The following GSE1 variants were observed in gnomAD, a reference collection of about 807,000 sequenced individuals.
GSE1 encodes Gse1 coiled-coil protein.
Under a neutral mutation model 112.6 loss-of-function variants are expected in GSE1, and 32 were observed. That is an observed-to-expected ratio of 0.28 (90% CI 0.21 to 0.38). The LOEUF (loss-of-function observed/expected upper bound fraction) is 0.38. Among genes scored for constraint, GSE1 ranks in the 10% least tolerant of loss-of-function variants. The probability of loss-of-function intolerance (pLI) is 1.00; values close to 1 mark genes in which losing one functional copy is unlikely to be tolerated. For missense variants in GSE1, 2,348 were observed against 1,699.2 expected (o/e 1.38, Z -6.71); for synonymous variants, 1,115 against 735.6 (o/e 1.52, Z -8.35).
chr16:85,257,226 A>G (rs946613978), intron 1 of GSE1, among the ~76,000 whole-genome samples: 1 of 152,144 alleles, frequency 6.6e-6, no homozygotes, highest in African/African-American at 2.4e-5. Context: ...CGCCTGCTTC[A>G]TCCTCCCGAA....
intron 1 of GSE1, among the ~76,000 whole-genome samples, chr16:85,605,458 A>G (rs1412709749): frequency 1.3e-5 from 2 of 152,110 alleles, no homozygotes; most frequent in Admixed American, 6.5e-5. Context: ...TCCGCACAGC[A>G]AATGTAAGGG....
chr16:85,281,861 T>A (rs1351087676), intron 1 of GSE1, among the ~76,000 whole-genome samples: 2 of 152,096 alleles, frequency 1.3e-5, no homozygotes, highest in Non-Finnish European at 2.9e-5. Flanking sequence ...TAGATTCACG[T>A]TATCTGAGCA....
chr16:85,588,920 C>T (rs188495114), intron 1 of GSE1, among the ~76,000 whole-genome samples: 42 of 152,282 alleles, frequency 2.8e-4, no homozygotes, highest in Admixed American at 5.9e-4. Flanking sequence ...AGAGTCCCCC[C>T]AGGGACTTTC....
At chr16:85,485,270 A>C (rs1237940215) in intron 2 of GSE1, among the ~76,000 whole-genome samples, 1 of 152,176 alleles carries the variant, frequency 6.6e-6, no homozygotes, top group East Asian at 1.9e-4. Flanking sequence ...CAGGCCCTGC[A>C]TTTTCCCAGA....
At chr16:85,479,955 G>A (rs2050620080) in intron 2 of GSE1, among the ~76,000 whole-genome samples, 2 of 152,178 alleles carry the variant, frequency 1.3e-5, no homozygotes, top group African/African-American at 4.8e-5. Context: ...ATTCAGATCT[G>A]AGGACCCAAA....
chr16:85,371,984 G>T (rs560975966), intron 2 of GSE1, among the ~76,000 whole-genome samples: 1 of 152,324 alleles, frequency 6.6e-6, no homozygotes, highest in African/African-American at 2.4e-5. Flanking sequence ...GTGCAGAGGG[G>T]CTCCGCCTCT....
chr16:85,179,087 CCAT>C (rs1567591222), intron 1 of GSE1, among the ~76,000 whole-genome samples: 1 of 152,130 alleles, frequency 6.6e-6, no homozygotes, highest in East Asian at 1.9e-4. Context: ...TTGTGCACCA[CCAT>C]GACTGTCCAG....
intron 2 of GSE1, among the ~76,000 whole-genome samples, chr16:85,541,802 G>A (rs550351326): frequency 3.2e-4 from 49 of 152,330 alleles, no homozygotes; most frequent in African/African-American, 1.1e-3. Flanking sequence ...CAGGGGCCAC[G>A]TCCCTGCCTC....
intron 2 of GSE1, among the ~76,000 whole-genome samples, chr16:85,439,159 G>A (rs7204659): frequency 0.23 from 34,758 of 152,062 alleles, 4,760 homozygotes; most frequent in African/African-American, 0.39. Context: ...GACGTGCCCT[G>A]CCTGCCCTGG....
At chr16:85,562,102 G>A (rs1329926379) in intron 1 of GSE1, among the ~76,000 whole-genome samples, 11 of 152,248 alleles carry the variant, frequency 7.2e-5, no homozygotes, top group Admixed American at 7.2e-4. Context: ...GGCCTAATGG[G>A]ATCTGACTCA....
chr16:85,323,755 C>T (rs2046166539), intron 1 of GSE1, among the ~76,000 whole-genome samples: 1 of 152,216 alleles, frequency 6.6e-6, no homozygotes, highest in African/African-American at 2.4e-5. Flanking sequence ...GGGCCCCAGG[C>T]TGACTTCCAC....
At chr16:85,190,926 A>G (rs12445973) in intron 1 of GSE1, among the ~76,000 whole-genome samples, 25,989 of 152,220 alleles carry the variant, frequency 0.17, 2,329 homozygotes, top group Non-Finnish European at 0.19. Context: ...AGAGCCACTG[A>G]CAGCTGCTTC....
chr16:85,593,297 C>T (rs1217797266), intron 1 of GSE1: 1 of 152,222 alleles, frequency 6.6e-6, no homozygotes, highest in African/African-American at 2.4e-5. Flanking sequence ...CGCCCCTCCC[C>T]TCCACAGCAG....
chr16:85,280,833 C>T (rs1597274787), intron 1 of GSE1, among the ~76,000 whole-genome samples: 1 of 152,206 alleles, frequency 6.6e-6, no homozygotes, highest in African/African-American at 2.4e-5. Context: ...TCTTGTGTTA[C>T]TGTGTCTGAT....
chr16:85,383,326 A>G (rs1194904106), intron 2 of GSE1, among the ~76,000 whole-genome samples: 2 of 151,542 alleles, frequency 1.3e-5, no homozygotes, highest in Non-Finnish European at 2.9e-5. Context: ...AGTCCTCAGC[A>G]CACACACACC....
At chr16:85,456,529 G>A (rs1229964921) in intron 2 of GSE1, among the ~76,000 whole-genome samples, 1 of 150,468 alleles carries the variant, frequency 6.6e-6, no homozygotes, top group East Asian at 2.0e-4. Context: ...GGACCCCGCT[G>A]CAAATCCCCA....
chr16:85,667,053 T>C (rs904594580), intron 13 of GSE1, among the ~76,000 whole-genome samples: 1 of 152,226 alleles, frequency 6.6e-6, no homozygotes, highest in Non-Finnish European at 1.5e-5. Flanking sequence ...ATCAGGGACT[T>C]GAACATCCCT....
chr16:85,331,458 T>C (rs2046352782), intron 1 of GSE1, among the ~76,000 whole-genome samples: 1 of 142,898 alleles, frequency 7.0e-6, no homozygotes, highest in Non-Finnish European at 1.5e-5. Context: ...TATGTATATA[T>C]ATGTGTGTAT....
rs530478496 is a variant in GSE1 at position 85,355,985 on chromosome 16, A to G, written c.2284-1478A>G. Among the ~76,000 whole-genome samples, 8 of 152,258 alleles carry G rather than the reference A, an allele frequency of 5.3e-5. No homozygotes were observed. The South Asian group carries it at 1.7e-3, about 32-fold the overall frequency. On this transcript the variant is annotated intron_variant, in intron 1 of 2. Transcript: ENST00000637419. The stretch of plus-strand genomic sequence containing the variant: ...GAGGTTACAGTGAGCTGAGATCACA[A>G]CACTGCACTCCAGCCTGGGTGACAG...
Sources: allele counts gnomAD v4.1 joint callset (sites outside exome capture counted in the v4.1 genomes callset), GRCh38; gene constraint gnomAD v4.1.1; transcripts MANE v1.5; gene names NCBI Gene and HGNC (gene_info 2026-07-23, HGNC 2026-07-21).